The following ANTXR2 variants were observed in gnomAD, a reference collection of about 807,000 sequenced individuals.
ANTXR2 encodes anthrax toxin receptor 2.
A neutral mutation model predicts 73.7 loss-of-function variants in ANTXR2; 44 were observed. The observed-to-expected ratio is 0.60, with a 90% CI of 0.47 to 0.77. The LOEUF (loss-of-function observed/expected upper bound fraction) is 0.77. Ranked by LOEUF, ANTXR2 falls within the 30% of genes least tolerant of loss-of-function variation. The pLI is 0.00. For synonymous variants in ANTXR2, 217 were observed against 205.9 expected, an observed-to-expected ratio of 1.05 and a Z score of -0.46; for missense variants, 604 against 592.5, an observed-to-expected ratio of 1.02 and a Z score of -0.20.
At chr4:79,963,133 T>C (rs1729207954) in intron 16 of ANTXR2, among the ~76,000 whole-genome samples, 1 of 152,148 alleles carries the variant, frequency 6.6e-6, no homozygotes, top group Admixed American at 6.6e-5. Flanking sequence ...GTTAACATAA[T>C]GGAGTACAAA....
At chr4:80,002,078 C>A (rs1243149321) in intron 12 of ANTXR2, among the ~76,000 whole-genome samples, 1 of 151,962 alleles carries the variant, frequency 6.6e-6, no homozygotes, top group Non-Finnish European at 1.5e-5. Context: ...TCGTATGGAA[C>A]CAAAAAAGAG....
chr4:79,978,659 T>A (rs1308884760), intron 14 of ANTXR2, among the ~76,000 whole-genome samples: 5 of 152,232 alleles, frequency 3.3e-5, no homozygotes, highest in African/African-American at 1.2e-4. Flanking sequence ...AGATAGAGAC[T>A]CTATTTTCTT....
At chr4:80,031,263 CATG>C (rs1732677183) in intron 10 of ANTXR2, among the ~76,000 whole-genome samples, 1 of 61,278 alleles carries the variant, frequency 1.6e-5, no homozygotes, top group Non-Finnish European at 5.3e-5. Context: ...TGGGTGTGTG[CATG>C]CACACACATG....
chr4:80,033,721 C>A (rs1454898714), intron 8 of ANTXR2, among the ~76,000 whole-genome samples, 151 bp from the exon 9 acceptor site: 2 of 151,962 alleles, frequency 1.3e-5, no homozygotes, highest in African/African-American at 4.8e-5. Flanking sequence ...TCTATATTTC[C>A]AACTGTGCTG....
intron 16 of ANTXR2, among the ~76,000 whole-genome samples, chr4:79,953,257 T>C (rs1346837231): frequency 2.6e-5 from 4 of 152,016 alleles, no homozygotes; most frequent in Non-Finnish European, 1.5e-5. Flanking sequence ...CATTTCAGGA[T>C]TGAATTTTTG....
At chr4:80,031,458 C>T (rs934539938) in intron 10 of ANTXR2, among the ~76,000 whole-genome samples, 165 bp downstream of exon 10, 4 of 151,942 alleles carry the variant, frequency 2.6e-5, no homozygotes, top group South Asian at 4.1e-4. Context: ...AGCTGAAGTA[C>T]TAACTTGCTT....
intron 16 of ANTXR2, among the ~76,000 whole-genome samples, chr4:79,913,473 T>A (rs1727224838): frequency 6.6e-6 from 1 of 152,182 alleles, no homozygotes; most frequent in Admixed American, 6.6e-5. Flanking sequence ...CTACCTCATG[T>A]CCTGTGCATG....
intron 3 of ANTXR2, among the ~76,000 whole-genome samples, chr4:80,064,087 A>G (rs1216340095): frequency 6.6e-6 from 1 of 152,204 alleles, no homozygotes; most frequent in Non-Finnish European, 1.5e-5. Flanking sequence ...TTAAGAAATT[A>G]GAAAAAAAAA....
intron 11 of ANTXR2, among the ~76,000 whole-genome samples, chr4:80,010,712 C>T (rs986379815): frequency 6.6e-6 from 1 of 152,040 alleles, no homozygotes; most frequent in Admixed American, 6.5e-5. Context: ...GCTAGCCCTG[C>T]TAGATACTCA....
rs200939547 is a variant in ANTXR2 at position 80,004,230 on chromosome 4, TA to T, written c.1041+4290del. On this transcript the variant is annotated intron_variant, in intron 12 of 16. Coordinates refer to ENST00000403729, the MANE Select transcript of ANTXR2 (RefSeq NM_058172.6). ...AAAAAAATTATGAAAAAAAATAAAA[TA>T]AAAAAATAAAAAGTTCAGGGTTTTT... Among the ~76,000 whole-genome samples, 20 of 151,816 alleles carry T rather than the reference TA, an allele frequency of 1.3e-4. No homozygotes were observed. The East Asian group carries it at 3.7e-3, about 28-fold the overall frequency.
intron 3 of ANTXR2, among the ~76,000 whole-genome samples, 177 bp downstream of exon 3, chr4:80,069,259 T>C (rs1305914674): frequency 2.0e-5 from 3 of 152,228 alleles, no homozygotes; most frequent in Admixed American, 6.5e-5. Flanking sequence ...ATATTGATTT[T>C]CAGATTAACT....
chr4:80,033,114 T>C (rs1470126197), intron 9 of ANTXR2, among the ~76,000 whole-genome samples: 2 of 151,828 alleles, frequency 1.3e-5, no homozygotes, highest in South Asian at 2.1e-4. Flanking sequence ...AAATCATGTG[T>C]TTGATGTAGT....
intron 16 of ANTXR2, among the ~76,000 whole-genome samples, chr4:79,963,318 C>T (rs751965740): frequency 6.6e-5 from 10 of 152,058 alleles, no homozygotes; most frequent in Admixed American, 2.0e-4. Flanking sequence ...TCAGGATTCT[C>T]GGGTCCCTTT....
chr4:80,021,772 A>G (rs1193543215), intron 10 of ANTXR2, among the ~76,000 whole-genome samples: 1 of 152,192 alleles, frequency 6.6e-6, no homozygotes, highest in African/African-American at 2.4e-5. Context: ...GTGTAAAAAA[A>G]AAACAAAAAC....
intron 2 of ANTXR2, among the ~76,000 whole-genome samples, chr4:80,071,090 T>C (rs1734765003): frequency 6.6e-6 from 1 of 152,206 alleles, no homozygotes; most frequent in South Asian, 2.1e-4. Flanking sequence ...CCACACATTG[T>C]GTAAACACAA....
At chr4:80,061,929 A>C (rs953825916) in intron 3 of ANTXR2, among the ~76,000 whole-genome samples, 4 of 152,304 alleles carry the variant, frequency 2.6e-5, no homozygotes, top group African/African-American at 7.2e-5. Context: ...TTAACGGATG[A>C]ACCTCTAACA....
chr4:79,945,091 T>A (rs1478796328), intron 16 of ANTXR2, among the ~76,000 whole-genome samples: 1 of 152,150 alleles, frequency 6.6e-6, no homozygotes, highest in East Asian at 1.9e-4. Context: ...ATTTAACTAA[T>A]GAGTATGATG....
chr4:79,991,055 A>G (rs897340901), intron 12 of ANTXR2, among the ~76,000 whole-genome samples: 4 of 152,166 alleles, frequency 2.6e-5, no homozygotes, highest in Non-Finnish European at 4.4e-5. Context: ...AGATTTCATG[A>G]TGAAGTTTCC....
chr4:79,910,790 GT>G (rs1179352704), intron 16 of ANTXR2, among the ~76,000 whole-genome samples: 1 of 152,070 alleles, frequency 6.6e-6, no homozygotes, highest in East Asian at 1.9e-4. Context: ...GAGAAAAACA[GT>G]GGAAAGGAGA....
Sources: allele counts gnomAD v4.1 joint callset (sites outside exome capture counted in the v4.1 genomes callset), GRCh38; gene constraint gnomAD v4.1.1; transcripts MANE v1.5; gene names NCBI Gene and HGNC (gene_info 2026-07-23, HGNC 2026-07-21).